Variants in RGS17 observed in about 807,000 individuals in gnomAD.
The protein encoded by RGS17 is regulator of G protein signaling 17.
RGS17 carries 12 observed loss-of-function variants against 25.5 expected under a neutral mutation model. That is an observed-to-expected ratio of 0.47 (90% CI 0.30 to 0.76). The LOEUF (loss-of-function observed/expected upper bound fraction) is 0.76. Among genes scored for constraint, RGS17 ranks in the 30% least tolerant of loss-of-function variants. The pLI is 0.07. For synonymous variants in RGS17, 71 were observed against 76.9 expected (o/e 0.92, Z 0.40); for missense variants, 196 against 242.2 (o/e 0.81, Z 1.27).
At chr6:153,065,812 T>C (rs2129116006) in intron 1 of RGS17, among the ~76,000 whole-genome samples, 1 of 152,034 alleles carries the variant, frequency 6.6e-6, no homozygotes, top group East Asian at 1.9e-4. Context: ...TAGATGTAAG[T>C]GCCTACATCA....
At chr6:153,017,098 A>G (rs1370083374) in intron 4 of RGS17, among the ~76,000 whole-genome samples, 1 of 152,252 alleles carries the variant, frequency 6.6e-6, no homozygotes, top group Non-Finnish European at 1.5e-5. Flanking sequence ...TGGTGTGGAG[A>G]AAAGAGTGCA....
chr6:153,049,034 T>C (rs527828946), intron 1 of RGS17, among the ~76,000 whole-genome samples: 23 of 152,240 alleles, frequency 1.5e-4, no homozygotes, highest in Non-Finnish European at 2.8e-4. Flanking sequence ...AAAGTCTATA[T>C]ACCCAACATT....
At chr6:153,057,163 T>C (rs1172128300) in intron 1 of RGS17, among the ~76,000 whole-genome samples, 1 of 151,518 alleles carries the variant, frequency 6.6e-6, no homozygotes, top group Admixed American at 6.6e-5. Flanking sequence ...AAAATCCACA[T>C]AACATCTGGG....
At chr6:153,019,475 G>A (rs1174158717) in intron 4 of RGS17, among the ~76,000 whole-genome samples, 2 of 152,152 alleles carry the variant, frequency 1.3e-5, no homozygotes, top group East Asian at 1.9e-4. Flanking sequence ...CTAATCACAG[G>A]TTGAAATGTA....
intron 1 of RGS17, among the ~76,000 whole-genome samples, chr6:153,058,197 T>A (rs950561239): frequency 6.6e-6 from 1 of 152,222 alleles, no homozygotes; most frequent in African/African-American, 2.4e-5. Context: ...AAGGTAACAC[T>A]GAGGAGAGTT....
chr6:153,123,894 C>G (rs1197370581), intron 1 of RGS17, among the ~76,000 whole-genome samples: 2 of 152,118 alleles, frequency 1.3e-5, no homozygotes, highest in African/African-American at 4.8e-5. Context: ...TGTATGTACA[C>G]ATTTTCTTTA....
chr6:153,096,518 G>A (rs149108398), intron 1 of RGS17, among the ~76,000 whole-genome samples: 1,857 of 152,250 alleles, frequency 0.012, 46 homozygotes, highest in African/African-American at 0.041. Flanking sequence ...CAAGCTGGCC[G>A]TTTAATCTCT....
intron 1 of RGS17, among the ~76,000 whole-genome samples, chr6:153,067,282 A>G (rs1776724327): frequency 6.6e-6 from 1 of 152,184 alleles, no homozygotes; most frequent in Non-Finnish European, 1.5e-5. Flanking sequence ...AACCACCATA[A>G]TTAAACATAG....
At chr6:153,020,130 ATATATATATTTTTTTTTTTTTTTTT>A (rs1779230251) in intron 4 of RGS17, among the ~76,000 whole-genome samples, 5 of 89,354 alleles carry the variant, frequency 5.6e-5, no homozygotes, top group African/African-American at 1.9e-4. Flanking sequence ...ATATATATAT[ATATATATATTTTTTTTTTTTTTTTT>A]TTTTTTTTTT....
chr6:153,067,346 C>T (rs1289259224), intron 1 of RGS17, among the ~76,000 whole-genome samples: 8 of 151,720 alleles, frequency 5.3e-5, no homozygotes, highest in African/African-American at 9.7e-5. Flanking sequence ...AAAGGGCATT[C>T]GAATTGGAAA....
Position 153,043,942 on chromosome 6 carries a change from T to C in RGS17, c.77A>G (p.Asn26Ser). The change falls in exon 2 of 5, where the codon AAC (asparagine) becomes AGC (serine). Residue 26 changes from asparagine to serine, a missense_variant. This residue lies in a region of RGS17 where 17 missense variants were observed against 44.7 expected (regional missense o/e 0.38). Coordinates refer to ENST00000206262, the MANE Select transcript of RGS17 (RefSeq NM_012419.5). ...ACAGCACCAACAAAAGCAACAGGTG[T>C]TGTTGGGCCTCTGGTTTCCAGGAGC... is the stretch of plus-strand genomic sequence containing the variant. ...SQAPGNQRPN[N>S]TCCFCWCCCC... The C allele has an allele frequency of 1.9e-6, 3 of 1,612,312 alleles. No homozygotes were observed. The highest frequency in any genetic ancestry group is 1.7e-6 in the Non-Finnish European group (2 of 1,179,286).
At chr6:153,090,838 G>A (rs923989133) in intron 1 of RGS17, among the ~76,000 whole-genome samples, 1 of 135,984 alleles carries the variant, frequency 7.4e-6, no homozygotes, top group Non-Finnish European at 1.6e-5. Flanking sequence ...ACAGGGTTCA[G>A]TAAAAAAACA....
At chr6:153,063,621 T>C (rs910558325) in intron 1 of RGS17, among the ~76,000 whole-genome samples, 11 of 151,502 alleles carry the variant, frequency 7.3e-5, no homozygotes, top group African/African-American at 2.7e-4. Flanking sequence ...AATCTAAGAG[T>C]TGTTGGCCTT....
chr6:153,023,691 G>C (rs1290473225), intron 4 of RGS17, among the ~76,000 whole-genome samples: 2 of 152,112 alleles, frequency 1.3e-5, no homozygotes, highest in African/African-American at 4.8e-5. Context: ...AGTGGTCAAG[G>C]ATCATTTTTC....
intron 1 of RGS17, among the ~76,000 whole-genome samples, chr6:153,112,079 A>G (rs1269789237): frequency 1.3e-5 from 2 of 152,222 alleles, no homozygotes; most frequent in East Asian, 3.9e-4. Context: ...TGGACGGAGA[A>G]TGAGTTTGAC....
chr6:153,011,591 A>T lies in RGS17; in HGVS notation c.616T>A (p.Ser206Thr). Residue 206 changes from serine (S) to threonine (T), a missense_variant, in exon 5 of 5, where the codon TCT becomes ACT. Physicochemically the swap from Ser to Thr is moderately conservative, Grantham distance 58. Transcript: ENST00000206262. ...YKSFVESTAG[S>T]SSES ...AATGAACATTAAGATTCAGAAGAAGAGCCAGCAGTACTTTCAACAAATGAC... is the reference window on the plus strand; with the variant it reads ...AATGAACATTAAGATTCAGAAGAAGTGCCAGCAGTACTTTCAACAAATGAC... 6.2e-7 allele frequency: 1 copy of T among 1,606,220 alleles called. No homozygotes were observed. The highest frequency in any genetic ancestry group is 1.1e-5 in the South Asian group (1 of 90,332).
intron 1 of RGS17, among the ~76,000 whole-genome samples, chr6:153,068,533 A>C (rs535154312): frequency 6.6e-6 from 1 of 152,306 alleles, no homozygotes; most frequent in Non-Finnish European, 1.5e-5. Flanking sequence ...TCTCTAGTAC[A>C]CTGGGCTGGA....
rs541752491 is a variant in RGS17, at chr6:153,037,677, G to A, written c.119+6223C>T. On this transcript the variant is annotated intron_variant, in intron 2 of 4. Transcript: ENST00000206262. ...CTGACCTCGTGATCCACCCACCTCG[G>A]CCTCCCAAAGGGCTGGGATTACAGG... Among the ~76,000 whole-genome samples the A allele has an allele frequency of 2.0e-5, 3 of 152,030 alleles. No individual in the cohort carries two copies. The East Asian group carries it at 5.8e-4, about 29-fold the overall frequency.
chr6:153,006,677 AATT>A lies in RGS17; in HGVS notation c.*4894_*4896del, dbSNP rs1779079669. 1 of 152,294 alleles carries A rather than the reference AATT, an allele frequency of 6.6e-6. No individual in the cohort carries two copies. Among genetic ancestry groups the A allele is most frequent in the Non-Finnish European group, 1.5e-5 (1 of 68,032 alleles). The allele number at this position is 152,294 out of a possible 1,614,324, so 9.4% of individuals were successfully genotyped here. Reference sequence around the variant, plus strand: ...ACATTTAATACAAGTATACAATAACAATTATTGACGTGATGCACTTTGATAAAA... The same window carrying A: ...ACATTTAATACAAGTATACAATAACAATTGACGTGATGCACTTTGATAAAA... On this transcript the variant is annotated 3_prime_UTR_variant, in exon 5 of 5. Transcript: ENST00000206262.
Sources: allele counts gnomAD v4.1 joint callset (sites outside exome capture counted in the v4.1 genomes callset), GRCh38; gene constraint gnomAD v4.1.1; regional missense constraint gnomAD v4.1.1; transcripts MANE v1.5; gene names NCBI Gene and HGNC (gene_info 2026-07-23, HGNC 2026-07-21).